CRYL1: variants seen among roughly 807,000 people sequenced by gnomAD.
The protein encoded by CRYL1 is lambda-crystallin homolog.
CRYL1 carries 29 observed loss-of-function variants against 36.6 expected under a neutral mutation model. That is an observed-to-expected ratio of 0.79 (90% CI 0.59 to 1.08). The LOEUF (loss-of-function observed/expected upper bound fraction) is 1.08. CRYL1 is among the 50% of genes least tolerant of loss of function. CRYL1 has a pLI of 0.00. For synonymous variants in CRYL1, 152 were observed against 151.5 expected, an observed-to-expected ratio of 1.00 and a Z score of -0.02; for missense variants, 411 against 407.9, an observed-to-expected ratio of 1.01 and a Z score of -0.06.
intron 1 of CRYL1, among the ~76,000 whole-genome samples, chr13:20,520,759 A>C (rs1281775812): frequency 2.0e-5 from 3 of 152,144 alleles, no homozygotes; most frequent in Non-Finnish European, 2.9e-5. Context: ...GCACCCTATA[A>C]CATCTGCAGC....
intron 3 of CRYL1, among the ~76,000 whole-genome samples, chr13:20,471,222 T>C (rs894655454): frequency 8.5e-5 from 13 of 152,128 alleles, no homozygotes; most frequent in African/African-American, 2.4e-4. Flanking sequence ...ACACTTACAT[T>C]AAGTAACTTC....
chr13:20,481,347 A>C lies in CRYL1; in HGVS notation c.276+8023T>G, dbSNP rs2033271571. On this transcript the variant is annotated intron_variant, in intron 3 of 7. Coordinates refer to ENST00000298248, the MANE Select transcript of CRYL1 (RefSeq NM_015974.3). The surrounding 1 kb of genome is among the most constrained non-coding windows in gnomAD (Gnocchi z 4.1). ...GAAACCAAACTCAAAAGGCTGCATC[A>C]TGTATGATTCCATTTTACATAACAT... Among the ~76,000 whole-genome samples the C allele has an allele frequency of 1.3e-5, 2 of 152,244 alleles. No individual in the cohort carries two copies. Among genetic ancestry groups the C allele is most frequent in the Non-Finnish European group, 2.9e-5 (2 of 68,046 alleles).
chr13:20,485,611 G>A (rs1387221585), intron 3 of CRYL1, among the ~76,000 whole-genome samples: 4 of 151,940 alleles, frequency 2.6e-5, no homozygotes, highest in Non-Finnish European at 5.9e-5. Flanking sequence ...GGAGGTTGCA[G>A]GGAGCTGAGA....
chr13:20,444,117 T>TTACATTTTTAAAAATTTACATAAAA (rs1315046335), intron 3 of CRYL1, among the ~76,000 whole-genome samples: 8 of 152,214 alleles, frequency 5.3e-5, no homozygotes, highest in African/African-American at 1.9e-4. Context: ...ACACCATAAT[T>TTACATTTTTAAAAATTTACATAAAA]ATTTACATTT....
At chr13:20,513,342 G>A (rs1010724711) in intron 1 of CRYL1, 1 of 152,208 alleles carries the variant, frequency 6.6e-6, no homozygotes, top group African/African-American at 2.4e-5. Flanking sequence ...TAAAAGAACA[G>A]AGAGAGCATC....
chr13:20,462,698 C>G (rs571307967), intron 3 of CRYL1, among the ~76,000 whole-genome samples: 1 of 151,730 alleles, frequency 6.6e-6, no homozygotes, highest in Non-Finnish European at 1.5e-5. Flanking sequence ...AAGTTTGGCA[C>G]TTCAGCTTCG....
intron 5 of CRYL1, among the ~76,000 whole-genome samples, chr13:20,419,307 T>TTAG (rs1488547520): frequency 6.6e-6 from 1 of 152,108 alleles, no homozygotes; most frequent in African/African-American, 2.4e-5. Flanking sequence ...ATTATTATTA[T>TTAG]TTTGAAATGG....
Position 20,425,055 on chromosome 13 carries a change from T to C in CRYL1, c.633+7047A>G, listed in dbSNP as rs752103858. ...GCCAAGACCACACAGATGTTGCCAA[T>C]GTCTGCGCTGTGCTATTTTACTCAA... On this transcript the variant is annotated intron_variant, in intron 5 of 7. Transcript: ENST00000298248. This position sits in a 1 kb window ranked among gnomAD's most constrained non-coding sequence, Gnocchi z 4.4. 1.6e-4 allele frequency among the ~76,000 whole-genome samples: 24 copies of C among 152,148 alleles called. No homozygotes were observed. Among genetic ancestry groups the C allele is most frequent in the Non-Finnish European group, 1.8e-4 (12 of 68,026 alleles).
intron 2 of CRYL1, among the ~76,000 whole-genome samples, chr13:20,506,006 T>C (rs2033790944): frequency 6.6e-6 from 1 of 152,214 alleles, no homozygotes; most frequent in Non-Finnish European, 1.5e-5. Flanking sequence ...TCAGTCCTTT[T>C]ACCTTGGACT....
intron 1 of CRYL1, among the ~76,000 whole-genome samples, chr13:20,522,634 T>G (rs937980458): frequency 7.2e-5 from 11 of 152,078 alleles, no homozygotes; most frequent in African/African-American, 2.7e-4. Flanking sequence ...GAAGCAGAAC[T>G]TTTCCTGGAG....
chr13:20,451,847 T>C (rs1255900270), intron 3 of CRYL1, among the ~76,000 whole-genome samples: 1 of 152,194 alleles, frequency 6.6e-6, no homozygotes, highest in Non-Finnish European at 1.5e-5. Flanking sequence ...CATCACAGTA[T>C]TATTCATAAT....
intron 5 of CRYL1, among the ~76,000 whole-genome samples, chr13:20,416,446 G>A (rs1297080619): frequency 6.6e-6 from 1 of 152,230 alleles, no homozygotes; most frequent in Non-Finnish European, 1.5e-5. Flanking sequence ...GAGGCAGGAA[G>A]GGTGGCTCCC....
intron 2 of CRYL1, among the ~76,000 whole-genome samples, chr13:20,504,947 C>T (rs767837120): frequency 5.9e-5 from 9 of 152,042 alleles, no homozygotes; most frequent in Non-Finnish European, 1.3e-4. Context: ...CCATATGTAC[C>T]ATTTCTACTA....
chr13:20,504,460 C>A (rs897642054), intron 2 of CRYL1, among the ~76,000 whole-genome samples: 2 of 151,906 alleles, frequency 1.3e-5, no homozygotes, highest in Non-Finnish European at 2.9e-5. Context: ...CCCACCATCA[C>A]GCCCAGCTGA....
intron 3 of CRYL1, among the ~76,000 whole-genome samples, chr13:20,465,479 G>A (rs1245593698): frequency 2.0e-5 from 3 of 152,184 alleles, no homozygotes; most frequent in Non-Finnish European, 2.9e-5. Flanking sequence ...TAATTTGGAG[G>A]TTAGGTTTCA....
chr13:20,423,207 G>A (rs993409259), intron 5 of CRYL1, among the ~76,000 whole-genome samples: 4 of 152,140 alleles, frequency 2.6e-5, no homozygotes, highest in African/African-American at 7.2e-5. Context: ...AGATCATGTT[G>A]CCAGCAAACA....
intron 4 of CRYL1, among the ~76,000 whole-genome samples, chr13:20,436,212 A>G (rs971559958): frequency 1.3e-5 from 2 of 152,112 alleles, no homozygotes; most frequent in African/African-American, 4.8e-5. Flanking sequence ...CCCCTTCCCA[A>G]GCAGGCCTGT....
At chr13:20,493,428 G>A (rs1450310285) in intron 2 of CRYL1, among the ~76,000 whole-genome samples, 5 of 152,186 alleles carry the variant, frequency 3.3e-5, no homozygotes, top group Non-Finnish European at 5.9e-5. Flanking sequence ...GGGAGGCCGA[G>A]GTGGGCAGAT....
intron 1 of CRYL1, among the ~76,000 whole-genome samples, chr13:20,516,628 C>T (rs566901808): frequency 2.0e-5 from 3 of 152,046 alleles, no homozygotes; most frequent in East Asian, 1.9e-4. Context: ...TACAGGCGCT[C>T]GCCACCACGC....
Sources: allele counts gnomAD v4.1 joint callset (sites outside exome capture counted in the v4.1 genomes callset), GRCh38; gene constraint gnomAD v4.1.1; non-coding constraint Gnocchi (gnomAD v3.1); transcripts MANE v1.5; gene names NCBI Gene and HGNC (gene_info 2026-07-23, HGNC 2026-07-21).